The following POLD1 variants were observed in gnomAD, a reference collection of about 807,000 sequenced individuals.
POLD1 encodes DNA polymerase delta catalytic subunit.
A neutral mutation model predicts 129.7 loss-of-function variants in POLD1; 79 were observed. That is an observed-to-expected ratio of 0.61 (90% CI 0.51 to 0.73). POLD1 has a LOEUF of 0.73. Ranked by LOEUF, POLD1 falls within the 30% of genes least tolerant of loss-of-function variation. The pLI is 0.00. For missense variants in POLD1, 1,338 were observed against 1,595.8 expected (o/e 0.84, Z 2.75); for synonymous variants, 714 against 683.3 (o/e 1.04, Z -0.70).
chr19:50,390,514 C>G (rs1031425023), intron 1 of POLD1, among the ~76,000 whole-genome samples: 2 of 151,872 alleles, frequency 1.3e-5, no homozygotes, highest in African/African-American at 4.8e-5. Context: ...TTCAGCCAGT[C>G]CCTCCTTATC....
chr19:50,402,440 C>A lies in POLD1; in HGVS notation c.759-14C>A. ...TCGGGCAGCCCCTGTCCACTGACCC[C>A]CAGCCCCCTCCAGGTTCATGGTGGA... On this transcript the variant is annotated splice_polypyrimidine_tract_variant and intron_variant, in intron 6 of 26. Transcript: ENST00000440232. 5 of 1,612,522 alleles carry A rather than the reference C, an allele frequency of 3.1e-6. No homozygotes were observed. The highest frequency in any genetic ancestry group is 4.2e-6 in the Non-Finnish European group (5 of 1,179,384).
At chr19:50,395,753 G>A (rs921828738) in intron 1 of POLD1, among the ~76,000 whole-genome samples, 1 of 151,828 alleles carries the variant, frequency 6.6e-6, no homozygotes, top group African/African-American at 2.4e-5. Context: ...CAGACATTAT[G>A]GCCGTTTACT....
intron 1 of POLD1, among the ~76,000 whole-genome samples, chr19:50,386,672 G>A (rs1389187858): frequency 3.3e-5 from 5 of 152,190 alleles, no homozygotes; most frequent in South Asian, 2.1e-4. Flanking sequence ...TTCATGCAGC[G>A]AACACTGCCT....
intron 1 of POLD1, among the ~76,000 whole-genome samples, chr19:50,388,529 A>G (rs1296513636): frequency 6.6e-6 from 1 of 152,222 alleles, no homozygotes; most frequent in Admixed American, 6.5e-5. Flanking sequence ...TTAAAAGCAA[A>G]AAGATTTCTA....
chr19:50,416,560 TG>T (rs779450210), intron 23 of POLD1, 32 bp downstream of exon 23: 8 of 1,546,434 alleles, frequency 5.2e-6, no homozygotes, highest in Non-Finnish European at 5.2e-6. Flanking sequence ...GGGGGCACCC[TG>T]GGGGGGCAGA....
At chr19:50,396,597 C>T (rs981817224) in intron 1 of POLD1, among the ~76,000 whole-genome samples, 1 of 151,880 alleles carries the variant, frequency 6.6e-6, no homozygotes, top group Admixed American at 6.6e-5. Context: ...CCTGCCTCAG[C>T]CTCATGAGTA....
chr19:50,398,763 G>A (rs955620502), intron 1 of POLD1, 88 bp from the exon 2 acceptor site: 2 of 1,530,776 alleles, frequency 1.3e-6, no homozygotes, highest in Non-Finnish European at 1.7e-6. Flanking sequence ...AAAGGCTCGT[G>A]GTCATGGTGG....
intron 1 of POLD1, among the ~76,000 whole-genome samples, chr19:50,396,701 C>T (rs1006377699): frequency 1.3e-5 from 2 of 151,726 alleles, no homozygotes; most frequent in Non-Finnish European, 2.9e-5. Flanking sequence ...AGGATGGTCT[C>T]GATCTCCTGA....
At chr19:50,408,538 A>G (rs1357576602) in intron 14 of POLD1, among the ~76,000 whole-genome samples, 1 of 151,402 alleles carries the variant, frequency 6.6e-6, no homozygotes, top group African/African-American at 2.4e-5. Context: ...GCACCACCAC[A>G]CCTGGCTAAT....
At chr19:50,385,298 G>C (rs1381454356) in intron 1 of POLD1, among the ~76,000 whole-genome samples, 2 of 152,152 alleles carry the variant, frequency 1.3e-5, no homozygotes, top group Non-Finnish European at 2.9e-5. Context: ...TGATGGACTG[G>C]GCGTAGGAGC....
intron 19 of POLD1, 56 bp from the exon 20 acceptor site, chr19:50,414,759 C>A (rs1601240609): frequency 7.2e-7 from 1 of 1,383,588 alleles, no homozygotes; most frequent in East Asian, 2.6e-5. Context: ...GGGGGCGTCT[C>A]CAGATTGGGG....
At chr19:50,415,953 A>C in intron 22 of POLD1, 127 bp downstream of exon 22, 1 of 679,950 alleles carries the variant, frequency 1.5e-6, no homozygotes, top group Admixed American at 3.0e-5. Flanking sequence ...ACCGCCCCCC[A>C]TGGCAGCCTG....
At chr19:50,408,380 A>ATTTTTC (rs201838634) in intron 14 of POLD1, among the ~76,000 whole-genome samples, 13 of 151,758 alleles carry the variant, frequency 8.6e-5, no homozygotes, top group Admixed American at 6.6e-4. Flanking sequence ...TATATATATT[A>ATTTTTC]TTTTTCTTTT....
rs903776363 is a variant in POLD1, at chr19:50,409,394, C to T, written c.2007-125C>T. 1.4e-5 allele frequency: 20 copies of T among 1,412,194 alleles called. No homozygotes were observed. The highest frequency in any genetic ancestry group is 1.7e-5 in the Non-Finnish European group (17 of 1,018,412). The allele number at this position is 1,412,194 out of a possible 1,614,324, so 87.5% of individuals were successfully genotyped here. On this transcript the variant is annotated intron_variant, in intron 16 of 26. Transcript: ENST00000440232. This position sits in a 1 kb window ranked among gnomAD's most constrained non-coding sequence, Gnocchi z 5.8. ...CCCTCCTGGCAGCTTCCTTTTGCCC[C>T]CTTGGCCAGAAGCTTCTGTGCAGTG...
intron 15 of POLD1, 92 bp downstream of exon 15, chr19:50,408,993 A>G: frequency 7.1e-7 from 1 of 1,398,646 alleles, no homozygotes. Flanking sequence ...GCACAGGCCC[A>G]GAGATAGTAG....
chr19:50,415,673 AC>A, intron 21 of POLD1, 50 bp from the exon 22 acceptor site: 2 of 450,290 alleles, frequency 4.4e-6, no homozygotes, highest in East Asian at 8.8e-5. Flanking sequence ...CCTCGCCCCC[AC>A]CCCCGCCACC....
intron 3 of POLD1, among the ~76,000 whole-genome samples, chr19:50,400,868 T>A (rs1262161919): frequency 6.6e-6 from 1 of 151,540 alleles, no homozygotes; most frequent in Non-Finnish European, 1.5e-5. Flanking sequence ...GGCTAATTTT[T>A]TGTATTTTTA....
intron 15 of POLD1, 85 bp downstream of exon 15, chr19:50,408,986 C>T: frequency 3.5e-6 from 5 of 1,431,080 alleles, no homozygotes; most frequent in East Asian, 4.6e-5. Context: ...GGCATAGGCA[C>T]AGGCCCAGAG....
chr19:50,390,572 A>ATTTTTTT (rs563258123), intron 1 of POLD1, among the ~76,000 whole-genome samples: 4 of 136,126 alleles, frequency 2.9e-5, no homozygotes, highest in African/African-American at 8.3e-5. Context: ...CTTGAGAACT[A>ATTTTTTT]TTTTTTTTTT....
Sources: gnomAD v4.1 joint callset for allele counts (sites outside exome capture counted in the v4.1 genomes callset) on GRCh38, gnomAD v4.1.1 for gene constraint, Gnocchi (gnomAD v3.1) non-coding constraint, MANE v1.5 for transcripts, NCBI Gene and HGNC (gene_info 2026-07-23, HGNC 2026-07-21) for gene names.